The following INSL6 variants were observed in gnomAD, a reference collection of about 807,000 sequenced individuals.
INSL6 encodes insulin like 6.
A neutral mutation model predicts 9.4 loss-of-function variants in INSL6; 16 were observed. That is an observed-to-expected ratio of 1.70 (90% CI 1.15 to 2.59). The LOEUF (loss-of-function observed/expected upper bound fraction) is 2.59, where lower values mean the gene tolerates loss of function less well. INSL6 is among the 30% of genes most tolerant of loss of function. INSL6 has a pLI of 0.00. For missense variants in INSL6, 391 were observed against 257.3 expected (o/e 1.52, Z -3.56); for synonymous variants, 154 against 96.9 (o/e 1.59, Z -3.46).
the INSL6 span, among the ~76,000 whole-genome samples, chr9:5,084,715 A>C: frequency 6.6e-6 from 1 of 152,164 alleles, no homozygotes; most frequent in South Asian, 2.1e-4. Flanking sequence ...TATTTGTGTA[A>C]TAGCCTTACA....
At chr9:5,074,695 A>G in the INSL6 span, among the ~76,000 whole-genome samples, 7 of 152,312 alleles carry the variant, frequency 4.6e-5, no homozygotes, top group South Asian at 4.1e-4. Flanking sequence ...TAATCACACA[A>G]TGGTCTTTAA....
chr9:5,068,024 G>C, the INSL6 span, among the ~76,000 whole-genome samples: 1 of 152,050 alleles, frequency 6.6e-6, no homozygotes, highest in Non-Finnish European at 1.5e-5. Flanking sequence ...GCTGGGCATG[G>C]TGGTGCGCAC....
chr9:5,085,471 A>C, the INSL6 span: 1 of 726,606 alleles, frequency 1.4e-6, no homozygotes. Context: ...GTATTGTGCA[A>C]ATCTCTCATG....
At chr9:5,039,767 A>C in the INSL6 span, among the ~76,000 whole-genome samples, 1 of 151,892 alleles carries the variant, frequency 6.6e-6, no homozygotes, top group African/African-American at 2.4e-5. Flanking sequence ...ATAAACTTAA[A>C]GAAGTGTAAA....
the INSL6 span, chr9:5,108,256 C>A: frequency 6.6e-6 from 1 of 152,046 alleles, no homozygotes; most frequent in Non-Finnish European, 1.5e-5. Flanking sequence ...TTCACAGCCA[C>A]AGAACTAATT....
the INSL6 span, among the ~76,000 whole-genome samples, chr9:5,052,770 T>A: frequency 6.6e-6 from 1 of 152,098 alleles, no homozygotes; most frequent in Non-Finnish European, 1.5e-5. Context: ...TTGTCTGGCT[T>A]CTTTCACTTA....
In INSL6 at chr9:5,185,355, G is replaced by C. The variant is rs764449120; in HGVS notation, c.248C>G (p.Pro83Arg). The change falls in exon 1 of 2, where the codon CCG becomes CGG. Residue 83 changes from proline to arginine, a missense_variant. Coordinates refer to ENST00000381641, the MANE Select transcript of INSL6 (RefSeq NM_007179.3). ...EAYSPYQFESPQTASPARGRG... is the reference protein window; with the variant it reads ...EAYSPYQFESRQTASPARGRG... ...TCCCCGGGCCGGGGAAGCGGTTTGC[G>C]GGCTTTCGAACTGGTATGGGCTGTA... The C allele has an allele frequency of 1.2e-6, 2 of 1,613,954 alleles. No homozygotes were observed. Among genetic ancestry groups the C allele is most frequent in the South Asian group, 1.1e-5 (1 of 91,068 alleles).
the INSL6 span, among the ~76,000 whole-genome samples, chr9:5,016,383 A>G: frequency 1.3e-5 from 2 of 152,166 alleles, no homozygotes; most frequent in African/African-American, 4.8e-5. Flanking sequence ...GAGGAGGGAC[A>G]CCACAGACTG....
At chr9:5,060,265 G>A in the INSL6 span, among the ~76,000 whole-genome samples, 4 of 152,178 alleles carry the variant, frequency 2.6e-5, no homozygotes, top group Non-Finnish European at 5.9e-5. Flanking sequence ...GGCTGCTTAA[G>A]GTTGGGTTGG....
the INSL6 span, chr9:5,077,595 CT>C: frequency 1.4e-6 from 2 of 1,445,552 alleles, no homozygotes; most frequent in Non-Finnish European, 1.8e-6. Flanking sequence ...GTAGTACAAC[CT>C]TTTTATCAAA....
At chr9:5,115,098 G>C in the INSL6 span, among the ~76,000 whole-genome samples, 1 of 152,128 alleles carries the variant, frequency 6.6e-6, no homozygotes, top group Non-Finnish European at 1.5e-5. Flanking sequence ...CAGCTGCATA[G>C]CAAAAGAAAC....
chr9:5,070,062 T>A, the INSL6 span: 3 of 1,585,744 alleles, frequency 1.9e-6, no homozygotes, highest in Non-Finnish European at 2.6e-6. Flanking sequence ...TGTAAGTCAT[T>A]AGATACTCAT....
At chr9:5,004,317 G>C in the INSL6 span, among the ~76,000 whole-genome samples, 1 of 152,062 alleles carries the variant, frequency 6.6e-6, no homozygotes, top group African/African-American at 2.4e-5. Flanking sequence ...GGTAACTGCT[G>C]TTCTACTTAC....
the INSL6 span, among the ~76,000 whole-genome samples, chr9:5,118,295 C>T: frequency 6.6e-6 from 1 of 152,272 alleles, no homozygotes; most frequent in African/African-American, 2.4e-5. Flanking sequence ...ATTCCCACTT[C>T]CCTTCTCATT....
At chr9:5,122,082 G>A (rs1300355613), downstream of INSL6, among the ~76,000 whole-genome samples, 2 of 152,188 alleles carry the variant, frequency 1.3e-5, no homozygotes, top group Non-Finnish European at 2.9e-5. Context: ...TCAGTGGCCT[G>A]AGGGCAATAA....
chr9:5,049,811 T>C, the INSL6 span, among the ~76,000 whole-genome samples: 1 of 152,244 alleles, frequency 6.6e-6, no homozygotes, highest in African/African-American at 2.4e-5. Flanking sequence ...CTAGTCTGTA[T>C]GGTATAGCCT....
At chr9:5,001,621 T>G in the INSL6 span, among the ~76,000 whole-genome samples, 1 of 143,532 alleles carries the variant, frequency 7.0e-6, no homozygotes, top group Non-Finnish European at 1.5e-5. Context: ...AACATTTGCC[T>G]GTAATTTTTT....
the INSL6 span, chr9:5,113,915 A>T: frequency 8.5e-6 from 2 of 233,980 alleles, no homozygotes; most frequent in Non-Finnish European, 8.7e-6. Flanking sequence ...GGCAGTGGAC[A>T]CTTACCCCCG....
chr9:4,994,872 T>C, the INSL6 span, among the ~76,000 whole-genome samples: 1 of 152,232 alleles, frequency 6.6e-6, no homozygotes. Flanking sequence ...AAAAAAATTA[T>C]CTATTTTTTG....
Sources: gnomAD v4.1 joint callset for allele counts (sites outside exome capture counted in the v4.1 genomes callset) on GRCh38, gnomAD v4.1.1 for gene constraint, MANE v1.5 for transcripts, NCBI Gene and HGNC (gene_info 2026-07-23, HGNC 2026-07-21) for gene names.